The following CMSS1 variants were observed in gnomAD, a reference collection of about 807,000 sequenced individuals.
CMSS1 encodes cms1 ribosomal small subunit homolog.
Under a neutral mutation model 43.5 loss-of-function variants are expected in CMSS1, and 33 were observed. That is an observed-to-expected ratio of 0.76 (90% CI 0.57 to 1.01). CMSS1 has a LOEUF of 1.01. Among genes scored for constraint, CMSS1 ranks in the 50% least tolerant of loss-of-function variants. The probability of loss-of-function intolerance (pLI) is 0.00; values close to 1 mark genes in which losing one functional copy is unlikely to be tolerated. For synonymous variants in CMSS1, 115 were observed against 117.2 expected, an observed-to-expected ratio of 0.98 and a Z score of 0.12; for missense variants, 313 against 326.4, an observed-to-expected ratio of 0.96 and a Z score of 0.32.
intron 1 of CMSS1, among the ~76,000 whole-genome samples, chr3:100,052,102 T>C (rs987753375): frequency 2.6e-5 from 4 of 152,178 alleles, no homozygotes; most frequent in South Asian, 2.1e-4. Flanking sequence ...AGGCTACTAA[T>C]GGGCATAATT....
At chr3:100,100,157 A>G (rs1212075915) in intron 1 of CMSS1, among the ~76,000 whole-genome samples, 1 of 152,084 alleles carries the variant, frequency 6.6e-6, no homozygotes, top group Non-Finnish European at 1.5e-5. Flanking sequence ...GGGCTGGGAC[A>G]ATGCTGCCAC....
intron 3 of CMSS1, among the ~76,000 whole-genome samples, chr3:100,161,556 A>T (rs1576115810): frequency 6.6e-6 from 1 of 151,494 alleles, no homozygotes; most frequent in South Asian, 2.1e-4. Context: ...TTGTAGAAGG[A>T]GGGGGAAAAT....
rs758034619 is a variant in CMSS1 at position 99,833,230 on chromosome 3, T to G, written c.64+15187T>G. ...AATGCCTTAAAAGTCTGAAGGATGT[T>G]GAGTTCAATGAGGCAGAAGAAGTGG... On this transcript the variant is annotated intron_variant, in intron 1 of 9. Coordinates refer to ENST00000421999, the MANE Select transcript of CMSS1 (RefSeq NM_032359.4). 14 of 1,611,832 alleles carry G rather than the reference T, an allele frequency of 8.7e-6. No individual in the cohort carries two copies. In the Admixed American group the frequency reaches 2.0e-4, roughly 23 times the overall value.
At chr3:99,868,111 T>C (rs1944611615) in intron 1 of CMSS1, among the ~76,000 whole-genome samples, 1 of 152,194 alleles carries the variant, frequency 6.6e-6, no homozygotes, top group Non-Finnish European at 1.5e-5. Flanking sequence ...GATTCCAAAC[T>C]AGCTTTTAAG....
At chr3:99,902,680 A>T (rs1170018473) in intron 1 of CMSS1, among the ~76,000 whole-genome samples, 2 of 152,234 alleles carry the variant, frequency 1.3e-5, no homozygotes, top group African/African-American at 4.8e-5. Context: ...TGTCAGGAAG[A>T]GATTCACACT....
chr3:99,987,542 AAAAAG>A (rs1304660062), intron 1 of CMSS1, among the ~76,000 whole-genome samples: 318 of 151,762 alleles, frequency 2.1e-3, no homozygotes, highest in African/African-American at 7.3e-3. Flanking sequence ...AAAAAAAAAA[AAAAAG>A]AAAGAAAGAA....
intron 1 of CMSS1, among the ~76,000 whole-genome samples, chr3:99,901,443 T>G (rs1355750990): frequency 6.6e-6 from 1 of 152,210 alleles, no homozygotes; most frequent in African/African-American, 2.4e-5. Context: ...AATTTTCCTG[T>G]CCCTGGAGAA....
chr3:100,171,712 T>C, intron 6 of CMSS1, 127 bp from the exon 7 acceptor site: 1 of 716,482 alleles, frequency 1.4e-6, no homozygotes, highest in South Asian at 1.7e-5. Flanking sequence ...AATTTGTATG[T>C]ACATATGCAC....
chr3:99,820,553 C>T (rs989005807), intron 1 of CMSS1, among the ~76,000 whole-genome samples: 4 of 152,202 alleles, frequency 2.6e-5, no homozygotes, highest in African/African-American at 4.8e-5. Flanking sequence ...TTGCTTTGTT[C>T]GCTGCTCTTA....
At chr3:99,955,016 C>T (rs1708279576) in intron 1 of CMSS1, among the ~76,000 whole-genome samples, 1 of 152,144 alleles carries the variant, frequency 6.6e-6, no homozygotes, top group Non-Finnish European at 1.5e-5. Flanking sequence ...TACAAAGATT[C>T]CATTATATAA....
intron 1 of CMSS1, among the ~76,000 whole-genome samples, chr3:99,863,115 T>C (rs1412125075): frequency 1.3e-5 from 2 of 152,130 alleles, no homozygotes; most frequent in African/African-American, 4.8e-5. Flanking sequence ...TCCATGGACA[T>C]GGGAGAGGGT....
intron 1 of CMSS1, among the ~76,000 whole-genome samples, chr3:100,079,094 A>G (rs2065894820): frequency 6.6e-6 from 1 of 152,112 alleles, no homozygotes; most frequent in African/African-American, 2.4e-5. Flanking sequence ...GCTGAAATGT[A>G]CAAAATGACC....
intron 1 of CMSS1, among the ~76,000 whole-genome samples, chr3:99,897,291 C>T (rs936824962): frequency 6.6e-6 from 1 of 151,948 alleles, no homozygotes; most frequent in East Asian, 1.9e-4. Context: ...CCCAGGAGGC[C>T]TCCGCGGGAG....
chr3:100,085,417 C>T (rs2065992256), intron 1 of CMSS1, among the ~76,000 whole-genome samples: 1 of 152,138 alleles, frequency 6.6e-6, no homozygotes. Context: ...TCTTTTTATA[C>T]AAATGTTGCC....
At chr3:100,115,676 G>A (rs2066560587) in intron 1 of CMSS1, among the ~76,000 whole-genome samples, 1 of 146,220 alleles carries the variant, frequency 6.8e-6, no homozygotes, top group East Asian at 2.1e-4. Context: ...ATTTTGGTGT[G>A]TGTATATTTT....
chr3:99,857,517 A>T (rs899054915), intron 1 of CMSS1, among the ~76,000 whole-genome samples: 2 of 152,268 alleles, frequency 1.3e-5, no homozygotes, highest in African/African-American at 4.8e-5. Flanking sequence ...CTACTGGACA[A>T]ATATGTTTGT....
intron 1 of CMSS1, among the ~76,000 whole-genome samples, chr3:99,825,054 A>C (rs1417738463): frequency 2.6e-5 from 4 of 152,196 alleles, no homozygotes; most frequent in African/African-American, 9.7e-5. Flanking sequence ...TTCACACCAA[A>C]GTTAAACCTT....
intron 1 of CMSS1, among the ~76,000 whole-genome samples, chr3:99,877,903 C>T (rs1705589471): frequency 6.6e-6 from 1 of 152,212 alleles, no homozygotes; most frequent in East Asian, 1.9e-4. Flanking sequence ...CTTTTTCCCT[C>T]TGATAGGCAA....
At chr3:99,875,996 G>T in intron 1 of CMSS1, 2 of 933,198 alleles carry the variant, frequency 2.1e-6, no homozygotes, top group Non-Finnish European at 2.6e-6. Flanking sequence ...AGCTTTAACA[G>T]CCACCCACAG....
Sources: gnomAD v4.1 joint callset for allele counts (sites outside exome capture counted in the v4.1 genomes callset) on GRCh38, gnomAD v4.1.1 for gene constraint, MANE v1.5 for transcripts, NCBI Gene and HGNC (gene_info 2026-07-23, HGNC 2026-07-21) for gene names.